Variants in CHCHD3 observed in about 807,000 individuals in gnomAD.
CHCHD3 encodes coiled-coil-helix-coiled-coil-helix domain containing 3, also known as MICOS complex subunit MIC19.
Under a neutral mutation model 38.2 loss-of-function variants are expected in CHCHD3, and 20 were observed. The observed-to-expected ratio is 0.52, with a 90% CI of 0.37 to 0.76. The LOEUF is 0.76. Among genes scored for constraint, CHCHD3 ranks in the 30% least tolerant of loss-of-function variants. The pLI is 0.00. For missense variants in CHCHD3, 245 were observed against 279.2 expected (o/e 0.88, Z 0.87); for synonymous variants, 82 against 100.0 (o/e 0.82, Z 1.07).
chr7:132,828,516 C>G (rs1327301777), intron 6 of CHCHD3, among the ~76,000 whole-genome samples: 5 of 152,186 alleles, frequency 3.3e-5, no homozygotes, highest in African/African-American at 1.2e-4. Context: ...TTGCTTATCT[C>G]TTAAGAAAAA....
chr7:132,824,908 G>A (rs1179708688), intron 6 of CHCHD3, among the ~76,000 whole-genome samples: 1 of 152,156 alleles, frequency 6.6e-6, no homozygotes, highest in Non-Finnish European at 1.5e-5. Flanking sequence ...TAGTCCTACT[G>A]CATTTTATGG....
At position 132,967,827 on chromosome 7, in the gene CHCHD3, CAA is replaced by C. The variant is rs11290365; in HGVS notation, c.369+7340_369+7341del. On this transcript the variant is annotated intron_variant, in intron 4 of 7. Coordinates refer to ENST00000262570, the MANE Select transcript of CHCHD3 (RefSeq NM_017812.4). ...CTGGGCAACAAGTAAGACCCTGTCT[CAA>C]AAAAAAAAAAAAAAGAACCTAGGCA... Among the ~76,000 whole-genome samples the C allele has an allele frequency of 9.1e-3, 1,164 of 127,918 alleles. 10 individuals are homozygous for C. Among genetic ancestry groups the C allele is most frequent in the African/African-American group, 0.028 (951 of 34,310 alleles). 83.9% of individuals were successfully genotyped at this position (127,918 alleles called of 152,430 possible).
chr7:133,068,108 C>T (rs1814724348), intron 2 of CHCHD3, among the ~76,000 whole-genome samples: 1 of 150,052 alleles, frequency 6.7e-6, no homozygotes, highest in African/African-American at 2.5e-5. Flanking sequence ...AGCGAGACTC[C>T]ATCTCAAAAG....
chr7:133,081,360 T>C (rs527930602), intron 1 of CHCHD3, among the ~76,000 whole-genome samples: 1 of 150,192 alleles, frequency 6.7e-6, no homozygotes, highest in African/African-American at 2.5e-5. Context: ...GGAGGGAGGA[T>C]GACAGGGTGT....
At chr7:133,028,624 C>T (rs1338899107) in intron 2 of CHCHD3, among the ~76,000 whole-genome samples, 5 of 152,044 alleles carry the variant, frequency 3.3e-5, no homozygotes, top group Admixed American at 2.0e-4. Context: ...CGGTGGCTCA[C>T]GCCTATAATC....
chr7:132,827,885 C>T (rs1424683689), intron 6 of CHCHD3, among the ~76,000 whole-genome samples: 2 of 152,138 alleles, frequency 1.3e-5, no homozygotes, highest in Admixed American at 6.6e-5. Flanking sequence ...TAGTGTTCTA[C>T]TGTATGAATA....
At chr7:133,033,351 G>T (rs541337736) in intron 2 of CHCHD3, among the ~76,000 whole-genome samples, 1 of 152,270 alleles carries the variant, frequency 6.6e-6, no homozygotes, top group African/African-American at 2.4e-5. Flanking sequence ...AATTCTTGGA[G>T]ATGGGAAACT....
At chr7:133,014,751 C>A (rs1162598415) in intron 3 of CHCHD3, among the ~76,000 whole-genome samples, 1 of 151,962 alleles carries the variant, frequency 6.6e-6, no homozygotes, top group Admixed American at 6.6e-5. Flanking sequence ...TAAAGTAATT[C>A]CTGCACTTCT....
chr7:133,076,318 C>T lies in CHCHD3; in HGVS notation c.81+5539G>A, dbSNP rs73724165. On this transcript the variant is annotated intron_variant, in intron 1 of 7. Transcript: ENST00000262570. ...CCTGAGGTCCACAGACTGAGTAGTC[C>T]GTGGGTCAATTACTCAACTGTATGC... is the stretch of plus-strand genomic sequence containing the variant. Among the ~76,000 whole-genome samples the T allele has an allele frequency of 4.5e-3, 683 of 152,154 alleles. 3 individuals carry two copies. Among genetic ancestry groups the T allele is most frequent in the African/African-American group, 0.016 (650 of 41,480 alleles).
chr7:133,080,640 G>A (rs1035419083), intron 1 of CHCHD3, among the ~76,000 whole-genome samples: 2 of 152,146 alleles, frequency 1.3e-5, no homozygotes, highest in Admixed American at 6.5e-5. Context: ...ATAACTCAAA[G>A]AATACAGCCT....
chr7:132,976,094 T>C (rs1373165904), intron 3 of CHCHD3, among the ~76,000 whole-genome samples: 1 of 152,126 alleles, frequency 6.6e-6, no homozygotes, highest in African/African-American at 2.4e-5. Context: ...TTGTGGATGT[T>C]ACAGCACAGC....
intron 4 of CHCHD3, among the ~76,000 whole-genome samples, chr7:132,898,332 G>A (rs1585616695): frequency 6.6e-6 from 1 of 152,130 alleles, no homozygotes; most frequent in Non-Finnish European, 1.5e-5. Flanking sequence ...TTGACAGGGC[G>A]CTGATTGGTG....
At chr7:132,835,776 G>C (rs1456416626) in intron 6 of CHCHD3, among the ~76,000 whole-genome samples, 3 of 152,192 alleles carry the variant, frequency 2.0e-5, no homozygotes, top group Non-Finnish European at 4.4e-5. Flanking sequence ...CAGTACCTCA[G>C]AATGTGACTG....
intron 6 of CHCHD3, among the ~76,000 whole-genome samples, chr7:132,818,270 T>C (rs1344719646): frequency 1.3e-5 from 2 of 152,218 alleles, no homozygotes; most frequent in African/African-American, 4.8e-5. Context: ...TCAATCTTCA[T>C]AAATGTGTCC....
intron 2 of CHCHD3, among the ~76,000 whole-genome samples, chr7:133,058,948 G>A (rs911062935): frequency 6.6e-6 from 1 of 152,146 alleles, no homozygotes; most frequent in Non-Finnish European, 1.5e-5. Context: ...CTAGCTCCCT[G>A]ATCTCCCAGT....
intron 2 of CHCHD3, among the ~76,000 whole-genome samples, chr7:133,030,891 GA>G (rs1369279517): frequency 2.6e-5 from 4 of 152,096 alleles, no homozygotes; most frequent in Non-Finnish European, 5.9e-5. Flanking sequence ...CCATTTACTT[GA>G]AACCATTACT....
At chr7:132,869,662 C>A (rs1182559203) in intron 5 of CHCHD3, among the ~76,000 whole-genome samples, 1 of 152,178 alleles carries the variant, frequency 6.6e-6, no homozygotes, top group Non-Finnish European at 1.5e-5. Flanking sequence ...TGGCTCACTG[C>A]AGCCTTGACC....
intron 4 of CHCHD3, among the ~76,000 whole-genome samples, chr7:132,890,240 A>G (rs1315962924): frequency 1.3e-5 from 2 of 152,202 alleles, no homozygotes; most frequent in South Asian, 4.1e-4. Context: ...TTAAAAGTGA[A>G]GTACGTATGT....
chr7:132,837,996 G>A (rs774137922), intron 6 of CHCHD3, among the ~76,000 whole-genome samples: 5 of 152,092 alleles, frequency 3.3e-5, no homozygotes, highest in African/African-American at 4.8e-5. Context: ...GCCTAACCAC[G>A]AGAAAGGCAG....
Sources: gnomAD v4.1 joint callset for allele counts (sites outside exome capture counted in the v4.1 genomes callset) on GRCh38, gnomAD v4.1.1 for gene constraint, MANE v1.5 for transcripts, NCBI Gene and HGNC (gene_info 2026-07-23, HGNC 2026-07-21) for gene names.